FHIT: variants seen among roughly 807,000 people sequenced by gnomAD.
The protein encoded by FHIT is fragile histidine triad diadenosine triphosphatase, also known as bis(5'-adenosyl)-triphosphatase.
In FHIT, 19 loss-of-function variants were observed where a neutral mutation model predicts 17.9. The observed-to-expected ratio is 1.06, with a 90% CI of 0.74 to 1.56. The LOEUF (loss-of-function observed/expected upper bound fraction) is 1.56. Ranked by LOEUF, FHIT falls within the 40% of genes most tolerant of loss-of-function variation. The pLI, the probability that FHIT is intolerant of heterozygous loss-of-function variation, is 0.00. For missense variants in FHIT, 248 were observed against 189.2 expected, an observed-to-expected ratio of 1.31 and a Z score of -1.82; for synonymous variants, 81 against 69.7, an observed-to-expected ratio of 1.16 and a Z score of -0.81.
intron 4 of FHIT, among the ~76,000 whole-genome samples, chr3:60,556,902 A>C (rs2036760357): frequency 6.6e-6 from 1 of 152,208 alleles, no homozygotes; most frequent in African/African-American, 2.4e-5. Context: ...TTATACAGCT[A>C]AGAGAAGTCA....
At chr3:59,911,499 G>A (rs1467471723) in intron 8 of FHIT, among the ~76,000 whole-genome samples, 4 of 152,150 alleles carry the variant, frequency 2.6e-5, no homozygotes, top group African/African-American at 9.7e-5. Context: ...AATTTTCAGG[G>A]AGATTCCAGA....
intron 3 of FHIT, among the ~76,000 whole-genome samples, chr3:61,011,225 C>A (rs569333052): frequency 2.0e-5 from 3 of 152,214 alleles, no homozygotes; most frequent in Admixed American, 6.5e-5. Context: ...AATGTTGAAC[C>A]TGAATAGATT....
intron 8 of FHIT, among the ~76,000 whole-genome samples, chr3:59,904,962 T>C (rs556181551): frequency 2.0e-5 from 3 of 152,302 alleles, no homozygotes; most frequent in African/African-American, 4.8e-5. Context: ...CGCAGGTATA[T>C]GTAAAACAGG....
intron 4 of FHIT, among the ~76,000 whole-genome samples, chr3:60,778,239 C>T (rs1200922590): frequency 1.3e-5 from 2 of 152,202 alleles, no homozygotes; most frequent in Non-Finnish European, 2.9e-5. Flanking sequence ...GATAACTAAA[C>T]TTCTTTGTCA....
chr3:59,922,400 A>T lies in FHIT; in HGVS notation c.294T>A (p.His98Gln). The change falls in exon 8 of 10, where the codon CAT (histidine) becomes CAA (glutamine). Residue 98 changes from histidine (H) to glutamine (Q), a missense_variant. Coordinates refer to ENST00000492590, the MANE Select transcript of FHIT (RefSeq NM_002012.4). ...AGQTVKHVHV[H>Q]VLPRKAGDFH... ...AGTCTCCAGCCTTCCTGGGAAGAAC[A>T]TGGACGTGAACGTGCTGAAAATGTA... 6.2e-7 allele frequency: 1 copy of T among 1,613,490 alleles called. No individual in the cohort carries two copies. The highest frequency in any genetic ancestry group is 8.5e-7 in the Non-Finnish European group (1 of 1,179,642).
chr3:60,735,165 C>A (rs1427789610), intron 4 of FHIT, among the ~76,000 whole-genome samples: 3 of 152,146 alleles, frequency 2.0e-5, no homozygotes, highest in Admixed American at 6.5e-5. Flanking sequence ...TTTCAGAGAG[C>A]CTGTATCTTT....
intron 3 of FHIT, among the ~76,000 whole-genome samples, chr3:60,986,797 G>C (rs1352205031): frequency 2.0e-5 from 3 of 152,062 alleles, no homozygotes; most frequent in Non-Finnish European, 4.4e-5. Flanking sequence ...TTCCCCCACT[G>C]ATATGTGCTT....
chr3:60,342,628 T>G (rs73104916), intron 5 of FHIT, among the ~76,000 whole-genome samples: 22,256 of 152,068 alleles, frequency 0.15, 1,688 homozygotes, highest in Non-Finnish European at 0.16. Flanking sequence ...AAGTAAAGCA[T>G]GAAGACTTAA....
intron 2 of FHIT, among the ~76,000 whole-genome samples, chr3:61,182,648 C>A (rs953289111): frequency 6.6e-6 from 1 of 152,138 alleles, no homozygotes; most frequent in Non-Finnish European, 1.5e-5. Context: ...ATTCTCAACA[C>A]CCCTCCATCC....
At position 60,981,599 on chromosome 3, in the gene FHIT, C is replaced by G. The variant is rs193023998; in HGVS notation, c.-111+60448G>C. 2.6e-4 allele frequency among the ~76,000 whole-genome samples: 40 copies of G among 152,250 alleles called. No individual in the cohort carries two copies. In the East Asian group the frequency reaches 2.7e-3, roughly 10 times the overall value. ...GTGCTAGGATTACAGGCGTAAGCCA[C>G]GGTGCCCAGCCACTTCTTTCCTTTT... On this transcript the variant is annotated intron_variant, in intron 3 of 9. Coordinates refer to ENST00000492590, the MANE Select transcript of FHIT (RefSeq NM_002012.4).
intron 4 of FHIT, among the ~76,000 whole-genome samples, chr3:60,626,785 C>CTTTTTTTTTT (rs60098225): frequency 5.2e-5 from 7 of 133,960 alleles, no homozygotes; most frequent in Non-Finnish European, 9.5e-5. Context: ...GGAAAACACT[C>CTTTTTTTTTT]TTTTTTTTTT....
intron 3 of FHIT, among the ~76,000 whole-genome samples, chr3:60,833,287 A>T (rs1702398443): frequency 6.6e-6 from 1 of 152,136 alleles, no homozygotes; most frequent in East Asian, 1.9e-4. Flanking sequence ...GGAGGGAGGC[A>T]GTTGGGAGAG....
At chr3:61,063,317 G>A (rs963608463) in intron 2 of FHIT, among the ~76,000 whole-genome samples, 3 of 150,926 alleles carry the variant, frequency 2.0e-5, no homozygotes, top group Non-Finnish European at 3.0e-5. Flanking sequence ...ACCACATCGG[G>A]TAGGTTCCAT....
At chr3:60,886,012 A>G (rs1268132040) in intron 3 of FHIT, among the ~76,000 whole-genome samples, 2 of 152,182 alleles carry the variant, frequency 1.3e-5, no homozygotes, top group African/African-American at 4.8e-5. Context: ...TTCCTAAACC[A>G]TTGCTTGGCA....
At chr3:60,571,172 C>G (rs569717529) in intron 4 of FHIT, among the ~76,000 whole-genome samples, 1 of 151,542 alleles carries the variant, frequency 6.6e-6, no homozygotes, top group African/African-American at 2.4e-5. Context: ...CCCGTCTCTA[C>G]TAAAAATACA....
At chr3:60,772,426 C>A (rs1466611447) in intron 4 of FHIT, among the ~76,000 whole-genome samples, 1 of 149,304 alleles carries the variant, frequency 6.7e-6, no homozygotes. Context: ...TACCAAGTTA[C>A]CTGTGTGGTT....
intron 5 of FHIT, among the ~76,000 whole-genome samples, chr3:60,408,272 T>C (rs914397332): frequency 5.9e-5 from 9 of 152,252 alleles, no homozygotes; most frequent in East Asian, 5.8e-4. Context: ...GAGATGCAAA[T>C]TGAGGGTAAA....
At chr3:61,106,894 T>C (rs902548326) in intron 2 of FHIT, among the ~76,000 whole-genome samples, 3 of 152,054 alleles carry the variant, frequency 2.0e-5, no homozygotes, top group Admixed American at 6.6e-5. Context: ...CTCCTGACCT[T>C]GTGATCTGCC....
At chr3:60,730,471 GT>G in intron 4 of FHIT, 1 of 216,930 alleles carries the variant, frequency 4.6e-6, no homozygotes. Flanking sequence ...CTTAGGTCCT[GT>G]AATCTCCATG....
Sources: allele counts gnomAD v4.1 joint callset (sites outside exome capture counted in the v4.1 genomes callset), GRCh38; gene constraint gnomAD v4.1.1; transcripts MANE v1.5; gene names NCBI Gene and HGNC (gene_info 2026-07-23, HGNC 2026-07-21).